RIN3: variants seen among roughly 807,000 people sequenced by gnomAD.
The protein encoded by RIN3 is Ras and Rab interactor 3.
A neutral mutation model predicts 76.3 loss-of-function variants in RIN3; 54 were observed. That is an observed-to-expected ratio of 0.71 (90% CI 0.57 to 0.89). The LOEUF (loss-of-function observed/expected upper bound fraction) is 0.89, where lower values mean the gene tolerates loss of function less well. RIN3 is among the 40% of genes least tolerant of loss of function. The pLI, the probability that RIN3 is intolerant of heterozygous loss-of-function variation, is 0.00. For synonymous variants in RIN3, 576 were observed against 564.0 expected (o/e 1.02, Z -0.30); for missense variants, 1,256 against 1,322.1 (o/e 0.95, Z 0.78).
chr14:92,546,141 T>C (rs1047350079), intron 1 of RIN3, among the ~76,000 whole-genome samples: 1 of 152,122 alleles, frequency 6.6e-6, no homozygotes, highest in African/African-American at 2.4e-5. Flanking sequence ...GCCAGGCTGG[T>C]CTTGAACTCG....
rs1897977944 is a variant in RIN3 at position 92,568,634 on chromosome 14, GC to G, written c.250-8724del. On this transcript the variant is annotated intron_variant, in intron 2 of 9. Transcript: ENST00000216487. The surrounding 1 kb of genome is among the most constrained non-coding windows in gnomAD (Gnocchi z 4.2). ...CCTGTCAGTGTCACCCTCACCCATG[GC>G]CACCTGGGCAGGAAACGTCAGAGGA... is the stretch of plus-strand genomic sequence containing the variant. 6.6e-6 allele frequency among the ~76,000 whole-genome samples: 1 copy of G among 152,178 alleles called. No homozygotes were observed. Among genetic ancestry groups the G allele is most frequent in the African/African-American group, 2.4e-5 (1 of 41,440 alleles).
intron 1 of RIN3, among the ~76,000 whole-genome samples, chr14:92,543,035 G>C (rs938347212): frequency 6.6e-6 from 1 of 152,190 alleles, no homozygotes; most frequent in African/African-American, 2.4e-5. Flanking sequence ...GCACAGCTCT[G>C]TGACCATGTT....
chr14:92,658,861 G>A (rs1887769962), intron 6 of RIN3, among the ~76,000 whole-genome samples: 1 of 152,196 alleles, frequency 6.6e-6, no homozygotes, highest in Non-Finnish European at 1.5e-5. Context: ...CTGAAGTTAT[G>A]TACTCATAGG....
intron 2 of RIN3, among the ~76,000 whole-genome samples, chr14:92,574,169 G>A (rs760376282): frequency 6.6e-6 from 1 of 152,226 alleles, no homozygotes; most frequent in Non-Finnish European, 1.5e-5. Context: ...AACAAGAAAA[G>A]CACTCTCCTG....
intron 1 of RIN3, among the ~76,000 whole-genome samples, chr14:92,517,068 TG>T (rs1896462435): frequency 6.6e-6 from 1 of 152,180 alleles, no homozygotes; most frequent in South Asian, 2.1e-4. Context: ...GGGTGACAGA[TG>T]GCCACAAACT....
chr14:92,517,586 T>C (rs1896476810), intron 1 of RIN3, among the ~76,000 whole-genome samples: 1 of 152,112 alleles, frequency 6.6e-6, no homozygotes, highest in Non-Finnish European at 1.5e-5. Context: ...CATCTTGTTA[T>C]TGGGTAATTG....
chr14:92,578,234 TAAAA>T (rs777276864), intron 3 of RIN3, among the ~76,000 whole-genome samples: 3 of 100,886 alleles, frequency 3.0e-5, no homozygotes, highest in Non-Finnish European at 4.2e-5. Context: ...AGATCTGGCC[TAAAA>T]AAAAAAAAAA....
At chr14:92,541,582 T>C (rs1897133321) in intron 1 of RIN3, among the ~76,000 whole-genome samples, 1 of 152,218 alleles carries the variant, frequency 6.6e-6, no homozygotes, top group Non-Finnish European at 1.5e-5. Context: ...CAAATGGTGC[T>C]GGAACAATGT....
At chr14:92,651,538 T>C in intron 5 of RIN3, 44 bp from the exon 6 acceptor site, 2 of 1,309,444 alleles carry the variant, frequency 1.5e-6, no homozygotes, top group South Asian at 2.7e-5. Context: ...CAACACCTAG[T>C]CCCTGGCACA....
chr14:92,568,273 C>A lies in RIN3; in HGVS notation c.250-9087C>A, dbSNP rs145922042. On this transcript the variant is annotated intron_variant, in intron 2 of 9. Transcript: ENST00000216487. The surrounding 1 kb of genome is among the most constrained non-coding windows in gnomAD (Gnocchi z 4.2). ...CACTTGTAACAGCCATCATGGGCAACATCCCCTTGGAGTATGACCTGGGGA... is the reference window on the plus strand; with the variant it reads ...CACTTGTAACAGCCATCATGGGCAAAATCCCCTTGGAGTATGACCTGGGGA... Among the ~76,000 whole-genome samples the A allele has an allele frequency of 6.6e-6, 1 of 152,180 alleles. No homozygotes were observed. Among genetic ancestry groups the A allele is most frequent in the African/African-American group, 2.4e-5 (1 of 41,444 alleles).
At chr14:92,660,198 G>A (rs1887828617) in intron 7 of RIN3, among the ~76,000 whole-genome samples, 1 of 152,198 alleles carries the variant, frequency 6.6e-6, no homozygotes, top group South Asian at 2.1e-4. Context: ...AAGTCCATGG[G>A]GCATGGACAA....
At chr14:92,562,905 C>T (rs183039107) in intron 2 of RIN3, among the ~76,000 whole-genome samples, 281 of 152,164 alleles carry the variant, frequency 1.8e-3, no homozygotes, top group Non-Finnish European at 2.7e-3. Flanking sequence ...ATAAAAGAAA[C>T]CTCTTTTAAG....
In RIN3 at chr14:92,652,427, C is replaced by T; in HGVS notation, c.1378C>T (p.Pro460Ser). 3 of 1,613,842 alleles carry T rather than the reference C, an allele frequency of 1.9e-6. No individual in the cohort carries two copies. The highest frequency in any genetic ancestry group is 1.1e-5 in the South Asian group (1 of 91,068). Residue 460 changes from proline to serine, a missense_variant, in exon 6 of 10, where the codon CCC becomes TCC. Physicochemically the swap from Pro to Ser is moderately conservative, Grantham distance 74. This residue lies in a region of RIN3 where 610 missense variants were observed against 626.4 expected (regional missense o/e 0.97). Transcript: ENST00000216487. This position sits in a 1 kb window ranked among gnomAD's most constrained non-coding sequence, Gnocchi z 6.4. Reference sequence around the variant, plus strand: ...GACAGCCAAACAACCCCCAGTCCCGCCCCCCAGGAAAAAACGGATCTCTCG... The same window carrying T: ...GACAGCCAAACAACCCCCAGTCCCGTCCCCCAGGAAAAAACGGATCTCTCG... Reference protein sequence around the residue: ...PRTAKQPPVPPPRKKRISRQL... With the variant: ...PRTAKQPPVPSPRKKRISRQL...
intron 7 of RIN3, among the ~76,000 whole-genome samples, chr14:92,663,353 G>A (rs567159895): frequency 2.2e-4 from 34 of 152,334 alleles, no homozygotes; most frequent in African/African-American, 7.9e-4. Flanking sequence ...AGCAAGAAAG[G>A]CAGCTGCTGG....
intron 1 of RIN3, among the ~76,000 whole-genome samples, chr14:92,534,211 T>TAA (rs199791873): frequency 6.8e-6 from 1 of 147,220 alleles, no homozygotes; most frequent in Non-Finnish European, 1.5e-5. Flanking sequence ...TGTTCCCCAT[T>TAA]AAAAAAAAAT....
chr14:92,539,088 G>C (rs7158934), intron 1 of RIN3, among the ~76,000 whole-genome samples: 16,011 of 151,976 alleles, frequency 0.11, 1,859 homozygotes, highest in African/African-American at 0.28. Context: ...TTTTGTCCTT[G>C]CTGCCTCCAG....
At chr14:92,657,755 G>A (rs1427482040) in intron 6 of RIN3, among the ~76,000 whole-genome samples, 1 of 152,226 alleles carries the variant, frequency 6.6e-6, no homozygotes, top group Non-Finnish European at 1.5e-5. Context: ...TCAGGAACGG[G>A]GTGAGGGAAG....
intron 7 of RIN3, among the ~76,000 whole-genome samples, chr14:92,671,894 G>C (rs1337174601): frequency 6.6e-6 from 1 of 152,186 alleles, no homozygotes; most frequent in East Asian, 1.9e-4. Context: ...GTCACAAGGG[G>C]CCGCATTGTC....
At position 92,643,821 on chromosome 14, in the gene RIN3, C is replaced by T. The variant is rs113198412; in HGVS notation, c.532+2492C>T. ...CATGTGCCTGTAATCCCAGCTACTC[C>T]GGAGGCTGAGGCAGGAGAATTGCTT... On this transcript the variant is annotated intron_variant, in intron 5 of 9. Coordinates refer to ENST00000216487, the MANE Select transcript of RIN3 (RefSeq NM_024832.5). The surrounding 1 kb of genome is among the most constrained non-coding windows in gnomAD (Gnocchi z 4.8). Among the ~76,000 whole-genome samples the T allele has an allele frequency of 5.9e-5, 9 of 152,070 alleles. No homozygotes were observed. The highest frequency in any genetic ancestry group is 2.1e-4 in the South Asian group (1 of 4,808).
Sources: allele counts gnomAD v4.1 joint callset (sites outside exome capture counted in the v4.1 genomes callset), GRCh38; gene constraint gnomAD v4.1.1; regional missense constraint gnomAD v4.1.1; non-coding constraint Gnocchi (gnomAD v3.1); transcripts MANE v1.5; gene names NCBI Gene and HGNC (gene_info 2026-07-23, HGNC 2026-07-21).